The following TCP11L1 variants were observed in gnomAD, a reference collection of about 807,000 sequenced individuals.
TCP11L1 encodes the protein T-complex protein 11-like protein 1.
Under a neutral mutation model 48.9 loss-of-function variants are expected in TCP11L1, and 28 were observed. The observed-to-expected ratio is 0.57, with a 90% CI of 0.42 to 0.78. The LOEUF (loss-of-function observed/expected upper bound fraction) is 0.78. TCP11L1 is among the 30% of genes least tolerant of loss of function. The pLI, the probability that TCP11L1 is intolerant of heterozygous loss-of-function variation, is 0.00. For synonymous variants in TCP11L1, 204 were observed against 231.9 expected, an observed-to-expected ratio of 0.88 and a Z score of 1.09; for missense variants, 505 against 613.4, an observed-to-expected ratio of 0.82 and a Z score of 1.87.
chr11:33,046,792 C>T (rs2133696367), intron 2 of TCP11L1, among the ~76,000 whole-genome samples: 1 of 152,258 alleles, frequency 6.6e-6, no homozygotes, highest in South Asian at 2.1e-4. Context: ...AGACATTTCC[C>T]CCAAACTCTG....
intron 1 of TCP11L1, among the ~76,000 whole-genome samples, chr11:33,042,155 G>T (rs765199574): frequency 1.3e-5 from 2 of 152,150 alleles, no homozygotes; most frequent in Non-Finnish European, 2.9e-5. Context: ...TGTTTAGACA[G>T]AGTCTCAGTC....
At chr11:33,051,375 G>A (rs989171944) in intron 2 of TCP11L1, among the ~76,000 whole-genome samples, 12 of 151,896 alleles carry the variant, frequency 7.9e-5, no homozygotes, top group Middle Eastern at 3.5e-3. Flanking sequence ...CACCGTGTTA[G>A]CCAGGATGGT....
At chr11:33,042,778 C>A (rs932490579) in intron 1 of TCP11L1, among the ~76,000 whole-genome samples, 3 of 151,932 alleles carry the variant, frequency 2.0e-5, no homozygotes, top group Admixed American at 6.6e-5. Flanking sequence ...ACTAAAAATA[C>A]AAAATTAGGC....
chr11:33,058,881 C>A, intron 5 of TCP11L1, 78 bp from the exon 6 acceptor site: 2 of 1,515,704 alleles, frequency 1.3e-6, no homozygotes, highest in South Asian at 1.2e-5. Flanking sequence ...CAGGTGTGAG[C>A]CACGCGTCTG....
intron 9 of TCP11L1, 60 bp from the exon 10 acceptor site, chr11:33,072,414 A>G (rs1291722563): frequency 3.2e-6 from 5 of 1,576,342 alleles, no homozygotes; most frequent in Non-Finnish European, 8.7e-7. Context: ...GAACTGAAGC[A>G]CAGTAAGGTT....
chr11:33,055,807 C>T (rs547457365), intron 3 of TCP11L1, among the ~76,000 whole-genome samples: 33 of 152,236 alleles, frequency 2.2e-4, no homozygotes, highest in African/African-American at 7.5e-4. Flanking sequence ...GACAGAAAGA[C>T]ATTTTTATTG....
In TCP11L1 at chr11:33,072,636, A is replaced by G; in HGVS notation, c.1490A>G (p.Tyr497Cys). 6.2e-7 allele frequency: 1 copy of G among 1,614,138 alleles called. No homozygotes were observed. The highest frequency in any genetic ancestry group is 8.5e-7 in the Non-Finnish European group (1 of 1,180,032). The change falls in exon 10 of 10, where the codon TAC (tyrosine) becomes TGC (cysteine). Residue 497 changes from tyrosine (Y) to cysteine (C), a missense_variant. Around this residue, in one of 3 missense-constraint regions of TCP11L1, gnomAD observed 335 missense variants for 413.3 expected, o/e 0.81. Coordinates refer to ENST00000334274, the MANE Select transcript of TCP11L1 (RefSeq NM_018393.4). Reference sequence around the variant, plus strand: ...TATAACAAGATGGTCTTCTGTCCCTACTACGATGCAATCCTGAGTAAGATC... The same window carrying G: ...TATAACAAGATGGTCTTCTGTCCCTGCTACGATGCAATCCTGAGTAAGATC... Reference protein sequence around the residue: ...VNYNKMVFCPYYDAILSKILV... With the variant: ...VNYNKMVFCPCYDAILSKILV...
chr11:33,049,871 G>A (rs1451295417), intron 2 of TCP11L1, among the ~76,000 whole-genome samples: 1 of 152,170 alleles, frequency 6.6e-6, no homozygotes, highest in African/African-American at 2.4e-5. Context: ...TACAGGTGTT[G>A]GGCTGGGGGA....
rs532150788 is a variant in TCP11L1, at chr11:33,066,269, A to T, written c.1154+258A>T. On this transcript the variant is annotated intron_variant, in intron 8 of 9. Coordinates refer to ENST00000334274, the MANE Select transcript of TCP11L1 (RefSeq NM_018393.4). ...GCTTCAAAATGTGTGTGACTAGCCG[A>T]GTAGCCTGTCGGGCCTTAGAGGCCA... is the stretch of plus-strand genomic sequence containing the variant. Among the ~76,000 whole-genome samples the T allele has an allele frequency of 5.9e-5, 9 of 152,310 alleles. No homozygotes were observed. The South Asian group carries it at 8.3e-4, about 14-fold the overall frequency.
At chr11:33,052,531 A>G (rs1196581315) in intron 2 of TCP11L1, among the ~76,000 whole-genome samples, 2 of 152,046 alleles carry the variant, frequency 1.3e-5, no homozygotes, top group East Asian at 1.9e-4. Flanking sequence ...CTTTTCACCA[A>G]TGTAAGAAGA....
chr11:33,039,948 C>T (rs1201446172), intron 1 of TCP11L1, 156 bp downstream of exon 1: 2 of 152,344 alleles, frequency 1.3e-5, no homozygotes, highest in African/African-American at 2.4e-5. Flanking sequence ...GTGGAGCTCA[C>T]CCCTCGAGGC....
At chr11:33,069,603 G>C (rs1399296387) in intron 9 of TCP11L1, among the ~76,000 whole-genome samples, 1 of 151,840 alleles carries the variant, frequency 6.6e-6, no homozygotes, top group Non-Finnish European at 1.5e-5. Flanking sequence ...AGTTTTGTTT[G>C]TTTGTTTTTG....
intron 3 of TCP11L1, chr11:33,056,713 G>T: frequency 4.3e-6 from 1 of 233,230 alleles, no homozygotes; most frequent in Non-Finnish European, 8.8e-6. Flanking sequence ...AAAAGTGCTG[G>T]GATTACAGGC....
chr11:33,058,220 A>G (rs1266420746), intron 5 of TCP11L1, 81 bp downstream of exon 5: 9 of 1,248,958 alleles, frequency 7.2e-6, no homozygotes, highest in African/African-American at 1.6e-5. Flanking sequence ...TTTTTTTGAG[A>G]CAGAGTCTCA....
chr11:33,063,384 T>C (rs527699565), intron 7 of TCP11L1, among the ~76,000 whole-genome samples: 1 of 152,304 alleles, frequency 6.6e-6, no homozygotes, highest in South Asian at 2.1e-4. Context: ...GTTTAACATT[T>C]TGAGGAACTG....
chr11:33,066,534 C>T (rs759341282), intron 8 of TCP11L1, among the ~76,000 whole-genome samples: 13 of 152,026 alleles, frequency 8.6e-5, no homozygotes, highest in South Asian at 4.2e-4. Flanking sequence ...TTGGAGATCC[C>T]GGGCTTAGAG....
In TCP11L1 at chr11:33,054,581, T is replaced by C; in HGVS notation, c.164-12T>C. ...AGGGAAGCAAATCTCTTACAGTGAG[T>C]TTCTGTTACAGCTAGTCCTCCTCGC... is the stretch of plus-strand genomic sequence containing the variant. On this transcript the variant is annotated splice_polypyrimidine_tract_variant and intron_variant, in intron 2 of 9. Coordinates refer to ENST00000334274, the MANE Select transcript of TCP11L1 (RefSeq NM_018393.4). The C allele has an allele frequency of 6.2e-7, 1 of 1,606,494 alleles. No homozygotes were observed. The highest frequency in any genetic ancestry group is 2.2e-5 in the East Asian group (1 of 44,480).
intron 1 of TCP11L1, among the ~76,000 whole-genome samples, chr11:33,042,086 G>T (rs894600259): frequency 2.6e-5 from 4 of 152,164 alleles, no homozygotes; most frequent in African/African-American, 7.2e-5. Flanking sequence ...GGAGAGTGGA[G>T]GAATTGACTA....
chr11:33,065,696 C>G, intron 7 of TCP11L1, 134 bp from the exon 8 acceptor site: 1 of 964,346 alleles, frequency 1.0e-6, no homozygotes, highest in Non-Finnish European at 1.6e-6. Flanking sequence ...ACACCAGACT[C>G]CCTCAAAGCT....
Sources: allele counts gnomAD v4.1 joint callset (sites outside exome capture counted in the v4.1 genomes callset), GRCh38; gene constraint gnomAD v4.1.1; regional missense constraint gnomAD v4.1.1; transcripts MANE v1.5; gene names NCBI Gene and HGNC (gene_info 2026-07-23, HGNC 2026-07-21).